The following ZSCAN29 variants were observed in gnomAD, a reference collection of about 807,000 sequenced individuals.
ZSCAN29 encodes zinc finger and SCAN domain containing 29.
ZSCAN29 carries 55 observed loss-of-function variants against 71.9 expected under a neutral mutation model. The observed-to-expected ratio is 0.76, with a 90% confidence interval of 0.62 to 0.96. The LOEUF is 0.96. ZSCAN29 is among the 40% of genes least tolerant of loss of function. The pLI is 0.00. For missense variants in ZSCAN29, 1,042 were observed against 1,042.2 expected (o/e 1.00, Z 0.00); for synonymous variants, 351 against 371.6 (o/e 0.94, Z 0.64).
At chr15:43,370,511 G>C (rs2044093374) in intron 1 of ZSCAN29, 47 bp downstream of exon 1, 1 of 152,438 alleles carries the variant, frequency 6.6e-6, no homozygotes, top group Non-Finnish European at 1.5e-5. Context: ...TCGGGTCTTT[G>C]TTTTCCCCGC....
At position 43,360,452 on chromosome 15, in the gene ZSCAN29, A is replaced by G. The variant is rs1010327910; in HGVS notation, c.*621T>C. ...GGAGTTTGAGACCAGCCTGCCCAAC[A>G]TGGAGAAACCCCATCTCTACTAAAA... is the stretch of plus-strand genomic sequence containing the variant. On this transcript the variant is annotated 3_prime_UTR_variant, in exon 6 of 6. Transcript: ENST00000684362. 3 of 152,386 alleles carry G rather than the reference A, an allele frequency of 2.0e-5. No individual in the cohort carries two copies. Among genetic ancestry groups the G allele is most frequent in the African/African-American group, 4.8e-5 (2 of 41,510 alleles). 9.4% of individuals were successfully genotyped at this position (152,386 alleles called of 1,614,324 possible).
rs891912577 is a variant in ZSCAN29, at chr15:43,370,912, G to GC, written c.-468dup. On this transcript the variant is annotated 5_prime_UTR_variant, in exon 1 of 6. Transcript: ENST00000684362. ...CCTGGGAGCGTCTCCCTCTCGAGCT[G>GC]CCCCTCAACCCCCTCGCATCCTTGC... is the stretch of plus-strand genomic sequence containing the variant. 148 of 201,754 alleles carry GC rather than the reference G, an allele frequency of 7.3e-4. No homozygotes were observed. Among genetic ancestry groups the GC allele is most frequent in the Non-Finnish European group, 1.2e-3 (113 of 97,136 alleles). The allele number at this position is 201,754 out of a possible 1,614,324, so 12.5% of individuals were successfully genotyped here. A position where few individuals can be genotyped will look rare whatever the true frequency, so the allele number is the denominator to read the frequency against.
chr15:43,361,385 A>G lies in ZSCAN29; in HGVS notation c.2247T>C (p.Leu749=), dbSNP rs1375980506. The G allele has an allele frequency of 1.2e-6, 2 of 1,614,122 alleles. No homozygotes were observed. Among genetic ancestry groups the G allele is most frequent in the East Asian group, 2.2e-5 (1 of 44,888 alleles). ...CGKCFNQSSS[L]IIHQRTHTGE... ...CTGTGTGGGTTCTCTGGTGAATGAT[A>G]AGGCTTGAGCTCTGATTGAAGCATT... Residue 749 remains leucine, a synonymous_variant, in exon 6 of 6, where the codon CTT becomes CTC. Coordinates refer to ENST00000684362, the MANE Select transcript of ZSCAN29 (RefSeq NM_001372080.1).
In ZSCAN29 at chr15:43,366,561, G is replaced by A. The variant is rs1282206205; in HGVS notation, c.771C>T (p.Leu257=). The A allele has an allele frequency of 6.2e-6, 10 of 1,614,090 alleles. No homozygotes were observed. Among genetic ancestry groups the A allele is most frequent in the Admixed American group, 1.7e-5 (1 of 60,002 alleles). The change falls in exon 4 of 6, where the codon CTC becomes CTT. Residue 257 remains leucine (L), a synonymous_variant. Coordinates refer to ENST00000684362, the MANE Select transcript of ZSCAN29 (RefSeq NM_001372080.1). ...HWGYEETRTL[L]AILSQTEFYE... Reference sequence around the variant, plus strand: ...AAAACTCAGTCTGGCTGAGAATTGCGAGGAGCGTTCTGGTCTCTTCATAGC... The same window carrying A: ...AAAACTCAGTCTGGCTGAGAATTGCAAGGAGCGTTCTGGTCTCTTCATAGC...
chr15:43,370,852 G>C lies in ZSCAN29; in HGVS notation c.-407C>G, dbSNP rs1386827404. ...CGGTCCCTCCAGAGGCCTCTGACCC[G>C]GCTAAGGCGCCCTGAGGGCGCCCTC... On this transcript the variant is annotated 5_prime_UTR_variant, in exon 1 of 6. Transcript: ENST00000684362. 1 of 170,090 alleles carries C rather than the reference G, an allele frequency of 5.9e-6. No individual in the cohort carries two copies. Among genetic ancestry groups the C allele is most frequent in the Non-Finnish European group, 1.3e-5 (1 of 78,518 alleles). The allele number at this position is 170,090 out of a possible 1,614,324, so 10.5% of individuals were successfully genotyped here.
At chr15:43,369,190 GTATT>G (rs1294551905) in intron 2 of ZSCAN29, 63 bp from the exon 3 acceptor site, 3 of 1,467,494 alleles carry the variant, frequency 2.0e-6, no homozygotes, top group African/African-American at 1.4e-5. Flanking sequence ...CCAGAGGAGA[GTATT>G]TAATACCCCA....
At position 43,359,136 on chromosome 15, in the gene ZSCAN29, C is replaced by T. The variant is rs1002177383; in HGVS notation, c.*1937G>A. Reference sequence around the variant, plus strand: ...GTAACCTTCCCTCCTTTGACCACTTCCTGCTTCATGAAGCCTTCCTGAATA... The same window carrying T: ...GTAACCTTCCCTCCTTTGACCACTTTCTGCTTCATGAAGCCTTCCTGAATA... On this transcript the variant is annotated 3_prime_UTR_variant, in exon 6 of 6. Transcript: ENST00000684362. 1 of 152,212 alleles carries T rather than the reference C, an allele frequency of 6.6e-6. No individual in the cohort carries two copies. Among genetic ancestry groups the T allele is most frequent in the African/African-American group, 2.4e-5 (1 of 41,450 alleles). The allele number at this position is 152,212 out of a possible 1,614,324, so 9.4% of individuals were successfully genotyped here. A position where few individuals can be genotyped will look rare whatever the true frequency, so the allele number is the denominator to read the frequency against.
chr15:43,369,080 T>C lies in ZSCAN29; in HGVS notation c.366A>G (p.Thr122=). 1 of 1,600,574 alleles carries C rather than the reference T, an allele frequency of 6.2e-7. No homozygotes were observed. Among genetic ancestry groups the C allele is most frequent in the Non-Finnish European group, 8.5e-7 (1 of 1,171,004 alleles). The change falls in exon 3 of 6, where the codon ACA becomes ACG. Residue 122 remains threonine (T), a synonymous_variant. Transcript: ENST00000684362. ...KGQEVRLEKM[T]PPKSSQELLS... ...ATAACTCTTGTGATGATTTCGGGGGTGTCATCTTCTCCAAGCGCACTTCCT... is the reference window on the plus strand; with the variant it reads ...ATAACTCTTGTGATGATTTCGGGGGCGTCATCTTCTCCAAGCGCACTTCCT...
In ZSCAN29 at chr15:43,366,521, T is replaced by G. The variant is rs775020957; in HGVS notation, c.811A>C (p.Asn271His). The change falls in exon 4 of 6, where the codon AAC (asparagine) becomes CAC (histidine). Residue 271 changes from asparagine to histidine, a missense_variant. Transcript: ENST00000684362. The part of the protein sequence containing the change: ...SQTEFYEALR[N>H]CHRNSQVYGA... ...TACACTTGGCTGTTCCTATGGCAGTTTCTGAGAGCCTCATAAAACTCAGTC... is the reference window on the plus strand; with the variant it reads ...TACACTTGGCTGTTCCTATGGCAGTGTCTGAGAGCCTCATAAAACTCAGTC... The G allele has an allele frequency of 1.9e-6, 3 of 1,614,230 alleles. No homozygotes were observed. In the South Asian group the frequency reaches 3.3e-5, roughly 18 times the overall value.
rs185468297 is a variant in ZSCAN29 at position 43,370,961 on chromosome 15, G to C, written c.-516C>G. ...GCCTCCGGGCCAGCCTCACCCACTC[G>C]GGGTCCGACCCTGACCCCGGCCCCG... On this transcript the variant is annotated 5_prime_UTR_variant, in exon 1 of 6. Transcript: ENST00000684362. The C allele has an allele frequency of 7.6e-3, 1,377 of 180,664 alleles. 20 individuals are homozygous for C. Among genetic ancestry groups the C allele is most frequent in the African/African-American group, 0.036 (1,284 of 35,888 alleles). 11.2% of individuals were successfully genotyped at this position (180,664 alleles called of 1,614,324 possible).
In ZSCAN29 at chr15:43,370,975, A is replaced by ACCCCGGCACCGG. The variant is rs2044102921; in HGVS notation, c.-531_-530insCCGGTGCCGGGG. ...CTCACCCACTCGGGGTCCGACCCTG[A>ACCCCGGCACCGG]CCCCGGCCCCGGCCCCGGCCCCGGC... On this transcript the variant is annotated 5_prime_UTR_variant, in exon 1 of 6. Coordinates refer to ENST00000684362, the MANE Select transcript of ZSCAN29 (RefSeq NM_001372080.1). The ACCCCGGCACCGG allele has an allele frequency of 2.3e-5, 6 of 259,334 alleles. No individual in the cohort carries two copies. Among genetic ancestry groups the ACCCCGGCACCGG allele is most frequent in the Non-Finnish European group, 3.1e-5 (4 of 129,586 alleles). The allele number at this position is 259,334 out of a possible 1,614,324, so 16.1% of individuals were successfully genotyped here. A position where few individuals can be genotyped will look rare whatever the true frequency, so the allele number is the denominator to read the frequency against.
chr15:43,364,162 T>C lies in ZSCAN29; in HGVS notation c.1443A>G (p.Pro481=). 2 of 1,614,244 alleles carry C rather than the reference T, an allele frequency of 1.2e-6. No individual in the cohort carries two copies. Among genetic ancestry groups the C allele is most frequent in the Non-Finnish European group, 1.7e-6 (2 of 1,180,042 alleles). ...TCTCTTCAAAGAAGGGACAGGTCTC[T>C]GGTGCCTGGCCATTCTTAACTTTCC... is the stretch of plus-strand genomic sequence containing the variant. The part of the protein sequence containing the change: ...SYRKVKNGQA[P]ETCPFFEEMD... The change falls in exon 5 of 6, where the codon CCA becomes CCG. Residue 481 remains proline (P), a synonymous_variant. Coordinates refer to ENST00000684362, the MANE Select transcript of ZSCAN29 (RefSeq NM_001372080.1).
chr15:43,370,160 A>C, intron 1 of ZSCAN29, 135 bp from the exon 2 acceptor site: 1 of 477,660 alleles, frequency 2.1e-6, no homozygotes. Flanking sequence ...AGACTTTGCA[A>C]AAACTGCTTT....
chr15:43,368,639 C>T (rs2142737362), intron 3 of ZSCAN29, among the ~76,000 whole-genome samples: 1 of 151,474 alleles, frequency 6.6e-6, no homozygotes, highest in South Asian at 2.1e-4. Flanking sequence ...GGAAGATGTG[C>T]CTTCAAGTAT....
chr15:43,366,824 C>CA lies in ZSCAN29; in HGVS notation c.524-17dup. 1.3e-6 allele frequency: 2 copies of CA among 1,592,350 alleles called. No homozygotes were observed. The highest frequency in any genetic ancestry group is 1.7e-6 in the Non-Finnish European group (2 of 1,171,720). ...AATGGCAATCCTGCTTGCAGGGAAA[C>CA]AAACAAAAGTTGTCATAGTTTGGAC... On this transcript the variant is annotated splice_polypyrimidine_tract_variant and intron_variant, in intron 3 of 5. Transcript: ENST00000684362.
At position 43,361,704 on chromosome 15, in the gene ZSCAN29, C is replaced by T. The variant is rs908482454; in HGVS notation, c.1928G>A (p.Arg643Lys). 3 of 1,614,220 alleles carry T rather than the reference C, an allele frequency of 1.9e-6. No individual in the cohort carries two copies. The East Asian group carries it at 6.7e-5, about 36-fold the overall frequency. The change falls in exon 6 of 6, where the codon AGA becomes AAA. Residue 643 changes from arginine (R) to lysine (K), a missense_variant. Arg to Lys is a conservative substitution (Grantham distance 26). Transcript: ENST00000684362. ...ATAGGGTCTCTCTCCCAAGCAAGGT[C>T]TCTGTTGACTTAGGACTTCACTTAA... ...KSLSEVLSQQ[R>K]PCLGERPYKY... is the part of the protein sequence containing the mutation.
chr15:43,361,262 A>G lies in ZSCAN29; in HGVS notation c.2370T>C (p.His790=), dbSNP rs754714646. ...HRRIHTGERP[H]VCPDCGKSFS... ...AACTCTTTCCACAGTCAGGACACAC[A>G]TGGGGTCTCTCTCCTGTGTGTATCC... Residue 790 remains histidine (H), a synonymous_variant, in exon 6 of 6, where the codon CAT becomes CAC. Coordinates refer to ENST00000684362, the MANE Select transcript of ZSCAN29 (RefSeq NM_001372080.1). 5.0e-6 allele frequency: 8 copies of G among 1,614,094 alleles called. No homozygotes were observed. The highest frequency in any genetic ancestry group is 1.6e-4 in the Middle Eastern group (1 of 6,084).
At chr15:43,368,856 AC>A in intron 3 of ZSCAN29, 66 bp downstream of exon 3, 1 of 1,413,816 alleles carries the variant, frequency 7.1e-7, no homozygotes, top group East Asian at 2.4e-5. Flanking sequence ...TTTCCCACTC[AC>A]TATTCCCAAC....
At chr15:43,368,838 G>C in intron 3 of ZSCAN29, 85 bp downstream of exon 3, 3 of 1,281,494 alleles carry the variant, frequency 2.3e-6, no homozygotes, top group Non-Finnish European at 3.2e-6. Flanking sequence ...ACTTACTCCT[G>C]AAATCCCTTT....
Sources: gnomAD v4.1 joint callset for allele counts (sites outside exome capture counted in the v4.1 genomes callset) on GRCh38, gnomAD v4.1.1 for gene constraint, MANE v1.5 for transcripts, NCBI Gene and HGNC (gene_info 2026-07-23, HGNC 2026-07-21) for gene names.